The following SHTN1 variants were observed in gnomAD, a reference collection of about 807,000 sequenced individuals.
The protein encoded by SHTN1 is shootin-1.
In SHTN1, 42 loss-of-function variants were observed where a neutral mutation model predicts 83.1. The observed-to-expected ratio is 0.51, with a 90% confidence interval of 0.39 to 0.65. The LOEUF (loss-of-function observed/expected upper bound fraction) is 0.65, where lower values mean the gene tolerates loss of function less well. SHTN1 is among the 30% of genes least tolerant of loss of function. The probability of loss-of-function intolerance (pLI) is 0.00; values close to 1 mark genes in which losing one functional copy is unlikely to be tolerated. For synonymous variants in SHTN1, 224 were observed against 247.7 expected (o/e 0.90, Z 0.90); for missense variants, 622 against 737.8 (o/e 0.84, Z 1.82).
At chr10:117,063,044 C>T (rs1468097575) in intron 1 of SHTN1, among the ~76,000 whole-genome samples, 2 of 152,102 alleles carry the variant, frequency 1.3e-5, no homozygotes, top group Non-Finnish European at 2.9e-5. Flanking sequence ...CTTTGTAAAC[C>T]GCAGAAGGGA....
intron 8 of SHTN1, among the ~76,000 whole-genome samples, chr10:116,942,447 A>C (rs997802179): frequency 1.3e-5 from 2 of 152,054 alleles, no homozygotes; most frequent in African/African-American, 4.8e-5. Context: ...TCCTGGCCTC[A>C]ATTGATCCCC....
intron 1 of SHTN1, among the ~76,000 whole-genome samples, chr10:117,117,034 A>G (rs1295927711): frequency 2.0e-5 from 3 of 152,194 alleles, no homozygotes; most frequent in African/African-American, 7.2e-5. Flanking sequence ...TTTATTCAAC[A>G]TAACACTAGA....
At chr10:116,911,977 CTA>C in intron 13 of SHTN1, 134 bp from the exon 14 acceptor site, 1 of 681,054 alleles carries the variant, frequency 1.5e-6, no homozygotes, top group South Asian at 2.0e-5. Flanking sequence ...TAAATTAGGA[CTA>C]TGTCTTAAGG....
chr10:116,928,457 T>A (rs921234752), intron 10 of SHTN1, among the ~76,000 whole-genome samples: 1 of 152,208 alleles, frequency 6.6e-6, no homozygotes, highest in Non-Finnish European at 1.5e-5. Context: ...CCTTCAAGTC[T>A]TTCATGAGGA....
chr10:117,078,251 G>C (rs969292348), intron 1 of SHTN1, among the ~76,000 whole-genome samples: 2 of 152,176 alleles, frequency 1.3e-5, no homozygotes, highest in African/African-American at 4.8e-5. Flanking sequence ...TGAAGACAAA[G>C]CACAATCGAA....
rs535602830 is a variant in SHTN1 at position 116,976,359 on chromosome 10, T to G, written c.111+2897A>C. Among the ~76,000 whole-genome samples the G allele has an allele frequency of 7.4e-4, 112 of 152,272 alleles. 2 individuals are homozygous for G. In the South Asian group the frequency reaches 0.022, roughly 30 times the overall value. On this transcript the variant is annotated intron_variant, in intron 2 of 16. Transcript: ENST00000355371. ...CAAAGGAATCACATCCACCGCCGCC[T>G]CCCATTGATAAGGTTCATGACCTGG...
At chr10:116,976,130 CTGGGG>C (rs1850798089) in intron 2 of SHTN1, among the ~76,000 whole-genome samples, 1 of 152,186 alleles carries the variant, frequency 6.6e-6, no homozygotes, top group African/African-American at 2.4e-5. Context: ...CACTCAAGCC[CTGGGG>C]TACTGTTCTT....
At chr10:117,087,617 C>T (rs1458484760) in intron 1 of SHTN1, among the ~76,000 whole-genome samples, 3 of 152,030 alleles carry the variant, frequency 2.0e-5, no homozygotes, top group African/African-American at 4.8e-5. Context: ...GAAAATAAAA[C>T]TTTAAAAAAT....
chr10:116,901,172 A>C (rs570566455), intron 16 of SHTN1: 1 of 985,478 alleles, frequency 1.0e-6, no homozygotes, highest in East Asian at 1.1e-4. Flanking sequence ...AAGAGCTGCC[A>C]TTGTTATAAA....
At position 117,095,840 on chromosome 10, in the gene SHTN1, C is replaced by T. The variant is rs529129818; in HGVS notation, c.-189+30467G>A. ...CTTTTGGACAAGATTCTGCAAGCAG[C>T]ATTTTATTTGCTAGTATTTTCACTC... is the stretch of plus-strand genomic sequence containing the variant. On this transcript the variant is annotated intron_variant, in intron 1 of 17. Coordinates refer to the SHTN1 transcript ENST00000392901. 2.9e-4 allele frequency among the ~76,000 whole-genome samples: 44 copies of T among 152,258 alleles called. No homozygotes were observed. The Middle Eastern group carries it at 0.01, about 36-fold the overall frequency.
At chr10:117,001,645 C>T (rs1451976860) in intron 1 of SHTN1, among the ~76,000 whole-genome samples, 1 of 152,018 alleles carries the variant, frequency 6.6e-6, no homozygotes, top group Non-Finnish European at 1.5e-5. Context: ...TAGTTAGATA[C>T]AAGGAGTAAG....
intron 2 of SHTN1, among the ~76,000 whole-genome samples, chr10:117,012,458 A>G (rs1852120858): frequency 6.6e-6 from 1 of 152,188 alleles, no homozygotes; most frequent in African/African-American, 2.4e-5. Flanking sequence ...AATATAGTGA[A>G]TCACTTTTTT....
chr10:117,118,345 A>G (rs1341839471), intron 1 of SHTN1, among the ~76,000 whole-genome samples: 1 of 141,222 alleles, frequency 7.1e-6, no homozygotes, highest in African/African-American at 2.6e-5. Flanking sequence ...ATCCACCACA[A>G]TGAAATATAA....
intron 5 of SHTN1, among the ~76,000 whole-genome samples, chr10:116,952,259 G>T (rs1399370138): frequency 6.6e-6 from 1 of 152,104 alleles, no homozygotes; most frequent in East Asian, 1.9e-4. Context: ...TGTTTTCTTT[G>T]CATTCTATCA....
chr10:116,918,934 G>T (rs1848461749), intron 12 of SHTN1, among the ~76,000 whole-genome samples: 1 of 152,164 alleles, frequency 6.6e-6, no homozygotes, highest in Admixed American at 6.5e-5. Context: ...AGAGTGTAAT[G>T]ATCTCTTACA....
intron 1 of SHTN1, among the ~76,000 whole-genome samples, chr10:117,076,854 C>A (rs775721516): frequency 6.6e-6 from 1 of 152,164 alleles, no homozygotes; most frequent in East Asian, 1.9e-4. Flanking sequence ...AATTGACTTA[C>A]AAGTTTCTGG....
chr10:116,991,519 A>G (rs770736643), intron 1 of SHTN1, among the ~76,000 whole-genome samples: 4 of 152,152 alleles, frequency 2.6e-5, no homozygotes, highest in Non-Finnish European at 5.9e-5. Flanking sequence ...GAGAAGGGAA[A>G]GGTGTTATGC....
intron 9 of SHTN1, among the ~76,000 whole-genome samples, chr10:116,936,271 TTTTAGA>T (rs1445494783): frequency 6.6e-6 from 1 of 152,184 alleles, no homozygotes; most frequent in African/African-American, 2.4e-5. Flanking sequence ...AGGGTGTCGA[TTTTAGA>T]TCTTTCCTGC....
upstream of SHTN1, among the ~76,000 whole-genome samples, chr10:117,007,554 C>CAA (rs35941784): frequency 0.018 from 292 of 16,304 alleles, 30 homozygotes; most frequent in African/African-American, 0.05. Context: ...GACTCCATCT[C>CAA]AAAAAAAAAA....
Sources: gnomAD v4.1 joint callset for allele counts (sites outside exome capture counted in the v4.1 genomes callset) on GRCh38, gnomAD v4.1.1 for gene constraint, MANE v1.5 for transcripts, NCBI Gene and HGNC (gene_info 2026-07-23, HGNC 2026-07-21) for gene names.